PGBD5: variants seen among roughly 807,000 people sequenced by gnomAD.
PGBD5 encodes the protein piggyBac transposable element derived 5.
PGBD5 carries 14 observed loss-of-function variants against 47.9 expected under a neutral mutation model. The ratio of observed to expected loss-of-function variants is 0.29; its 90% CI spans 0.19 to 0.46. The LOEUF (loss-of-function observed/expected upper bound fraction) is 0.46. Ranked by LOEUF, PGBD5 falls within the 20% of genes least tolerant of loss-of-function variation. PGBD5 has a pLI of 1.00. For missense variants in PGBD5, 635 were observed against 716.0 expected (o/e 0.89, Z 1.29); for synonymous variants, 316 against 306.3 (o/e 1.03, Z -0.33).
At chr1:230,347,495 T>G (rs2102698812) in intron 3 of PGBD5, among the ~76,000 whole-genome samples, 1 of 150,150 alleles carries the variant, frequency 6.7e-6, no homozygotes, top group Non-Finnish European at 1.5e-5. Flanking sequence ...TTTTTTTTTT[T>G]TGAGATGGAT....
At chr1:230,377,410 T>C in intron 1 of PGBD5, 2 of 1,370,970 alleles carry the variant, frequency 1.5e-6, no homozygotes, top group Non-Finnish European at 2.0e-6. Flanking sequence ...AGGCAGAAGC[T>C]GTGATGATGA....
At chr1:230,390,621 C>A (rs2102732224) in intron 1 of PGBD5, among the ~76,000 whole-genome samples, 1 of 152,320 alleles carries the variant, frequency 6.6e-6, no homozygotes, top group South Asian at 2.1e-4. Context: ...TCCCTACCTG[C>A]CCACTCCAGG....
chr1:230,359,374 T>C (rs559535605), intron 1 of PGBD5, among the ~76,000 whole-genome samples: 21 of 152,312 alleles, frequency 1.4e-4, no homozygotes, highest in African/African-American at 4.3e-4. Flanking sequence ...TGTGTATCGA[T>C]TGCTAACAAA....
chr1:230,414,913 C>T (rs1481793232), intron 1 of PGBD5, among the ~76,000 whole-genome samples: 1 of 152,178 alleles, frequency 6.6e-6, no homozygotes, highest in Admixed American at 6.5e-5. Flanking sequence ...AGTGGAATTC[C>T]TGGGAACACT....
At chr1:230,414,724 A>G (rs1367454138) in intron 1 of PGBD5, among the ~76,000 whole-genome samples, 1 of 152,240 alleles carries the variant, frequency 6.6e-6, no homozygotes, top group Non-Finnish European at 1.5e-5. Context: ...AAATATCAGC[A>G]CTAAAGAGCA....
intron 1 of PGBD5, among the ~76,000 whole-genome samples, chr1:230,373,882 G>C (rs1210058821): frequency 6.6e-6 from 1 of 152,072 alleles, no homozygotes; most frequent in African/African-American, 2.4e-5. Context: ...ATTTTTCGTA[G>C]AGATGGTGTC....
intron 1 of PGBD5, among the ~76,000 whole-genome samples, chr1:230,389,496 T>C (rs1656735932): frequency 6.6e-6 from 1 of 152,194 alleles, no homozygotes; most frequent in South Asian, 2.1e-4. Flanking sequence ...TAAACATCAA[T>C]GAGCATGTAT....
intron 1 of PGBD5, among the ~76,000 whole-genome samples, chr1:230,422,549 G>A (rs1210083825): frequency 6.6e-6 from 1 of 152,146 alleles, no homozygotes; most frequent in African/African-American, 2.4e-5. Context: ...GGGGTTAAGA[G>A]CCCAACAGCT....
chr1:230,418,071 G>A (rs776813981), intron 1 of PGBD5, among the ~76,000 whole-genome samples: 11 of 152,146 alleles, frequency 7.2e-5, no homozygotes, highest in African/African-American at 4.8e-5. Flanking sequence ...GCTGCTGAAC[G>A]TCCTGCAGTG....
chr1:230,380,051 A>G (rs765517675), intron 1 of PGBD5, among the ~76,000 whole-genome samples: 1 of 152,212 alleles, frequency 6.6e-6, no homozygotes, highest in Non-Finnish European at 1.5e-5. Context: ...AGGCAATTCC[A>G]CAGAGCAGGG....
At chr1:230,350,053 G>GA (rs1558196336) in intron 3 of PGBD5, among the ~76,000 whole-genome samples, 1 of 152,214 alleles carries the variant, frequency 6.6e-6, no homozygotes, top group Non-Finnish European at 1.5e-5. Flanking sequence ...ATCTTCCTAC[G>GA]AATCCTGCTG....
chr1:230,404,013 C>T (rs1230214681), intron 1 of PGBD5, among the ~76,000 whole-genome samples: 1 of 152,148 alleles, frequency 6.6e-6, no homozygotes, highest in African/African-American at 2.4e-5. Context: ...AACTAAACAA[C>T]TCTTCAAAGA....
intron 1 of PGBD5, among the ~76,000 whole-genome samples, chr1:230,379,583 C>T (rs774212747): frequency 6.6e-6 from 1 of 152,262 alleles, no homozygotes; most frequent in Non-Finnish European, 1.5e-5. Flanking sequence ...CTCATGTTCA[C>T]CAGCATGCAA....
intron 1 of PGBD5, among the ~76,000 whole-genome samples, chr1:230,363,990 C>T (rs1365945396): frequency 6.6e-6 from 1 of 152,178 alleles, no homozygotes; most frequent in Non-Finnish European, 1.5e-5. Flanking sequence ...TTTCCTTCCC[C>T]CTTGTGGCTG....
At chr1:230,363,228 G>C (rs1441822864) in intron 1 of PGBD5, among the ~76,000 whole-genome samples, 2 of 152,198 alleles carry the variant, frequency 1.3e-5, no homozygotes, top group African/African-American at 4.8e-5. Flanking sequence ...TTCAGATCTG[G>C]AGGCCAGCTA....
chr1:230,329,441 T>C (rs1667179211), intron 5 of PGBD5, among the ~76,000 whole-genome samples: 2 of 152,220 alleles, frequency 1.3e-5, no homozygotes, highest in African/African-American at 2.4e-5. Flanking sequence ...TATATGGTCA[T>C]AGTAGAACAG....
intron 1 of PGBD5, among the ~76,000 whole-genome samples, chr1:230,390,563 G>A (rs1460864922): frequency 2.6e-5 from 4 of 152,152 alleles, no homozygotes; most frequent in Admixed American, 2.6e-4. Flanking sequence ...CCCAGAGGGT[G>A]GAGGTGGTAT....
chr1:230,342,068 C>T (rs896649153), intron 3 of PGBD5, among the ~76,000 whole-genome samples: 3 of 152,172 alleles, frequency 2.0e-5, no homozygotes, highest in African/African-American at 7.2e-5. Context: ...ACATACAGCA[C>T]ATGGGATTTA....
At chr1:230,325,491 G>C (rs142795003) in intron 5 of PGBD5, 76 bp from the exon 6 acceptor site, 1 of 1,036,480 alleles carries the variant, frequency 9.6e-7, no homozygotes, top group Non-Finnish European at 1.5e-6. Context: ...GCCTATCTTC[G>C]TCCAGCTTAG....
Sources: allele counts gnomAD v4.1 joint callset (sites outside exome capture counted in the v4.1 genomes callset), GRCh38; gene constraint gnomAD v4.1.1; transcripts MANE v1.5; gene names NCBI Gene and HGNC (gene_info 2026-07-23, HGNC 2026-07-21).